NBEA: variants seen among roughly 807,000 people sequenced by gnomAD.
NBEA encodes the protein neurobeachin, also known as lysosomal-trafficking regulator 2.
In NBEA, 44 loss-of-function variants were observed where a neutral mutation model predicts 343.4. That is an observed-to-expected ratio of 0.13 (90% CI 0.10 to 0.16). The LOEUF (loss-of-function observed/expected upper bound fraction) is 0.16, where lower values mean the gene tolerates loss of function less well. NBEA is among the 10% of genes least tolerant of loss of function. NBEA has a pLI of 1.00. For synonymous variants in NBEA, 1,175 were observed against 1,238.7 expected (o/e 0.95, Z 1.08); for missense variants, 2,555 against 3,631.3 (o/e 0.70, Z 7.62).
At chr13:35,459,414 C>T (rs924708212) in intron 40 of NBEA, among the ~76,000 whole-genome samples, 1 of 151,892 alleles carries the variant, frequency 6.6e-6, no homozygotes, top group Non-Finnish European at 1.5e-5. Context: ...AATGCATTCA[C>T]TTGCTCATTT....
chr13:34,981,169 A>T (rs2060344512), intron 1 of NBEA, among the ~76,000 whole-genome samples: 1 of 152,134 alleles, frequency 6.6e-6, no homozygotes. Flanking sequence ...GAGTCACACA[A>T]TGTGTGGTCT....
At chr13:35,525,686 C>G (rs776413494) in intron 41 of NBEA, among the ~76,000 whole-genome samples, 7 of 152,238 alleles carry the variant, frequency 4.6e-5, no homozygotes, top group South Asian at 4.2e-4. Flanking sequence ...CTTTTGGGGT[C>G]ACTATAACAA....
intron 55 of NBEA, among the ~76,000 whole-genome samples, chr13:35,657,039 C>T (rs1041989938): frequency 5.3e-5 from 8 of 152,168 alleles, no homozygotes; most frequent in Non-Finnish European, 1.2e-4. Flanking sequence ...TCCATCCCCC[C>T]AACCCTTATG....
At chr13:35,598,469 G>A (rs1245912480) in intron 47 of NBEA, among the ~76,000 whole-genome samples, 1 of 152,184 alleles carries the variant, frequency 6.6e-6, no homozygotes, top group Non-Finnish European at 1.5e-5. Context: ...AATAAACATG[G>A]TTTGCAGCTG....
chr13:35,243,561 A>G (rs1021055915), intron 34 of NBEA, among the ~76,000 whole-genome samples: 1 of 151,902 alleles, frequency 6.6e-6, no homozygotes, highest in South Asian at 2.1e-4. Context: ...TTAAAGTGAA[A>G]GAGTAGAAAA....
chr13:35,207,101 T>C (rs2073445303), intron 31 of NBEA, among the ~76,000 whole-genome samples: 1 of 151,932 alleles, frequency 6.6e-6, no homozygotes, highest in Non-Finnish European at 1.5e-5. Context: ...TTATAATACC[T>C]TAATTATATT....
chr13:35,372,246 T>C (rs1224051354), intron 38 of NBEA, among the ~76,000 whole-genome samples: 1 of 152,172 alleles, frequency 6.6e-6, no homozygotes, highest in Non-Finnish European at 1.5e-5. Flanking sequence ...TTGTCTATGC[T>C]AGCATTGGCG....
chr13:35,468,024 G>C (rs1357606441), intron 40 of NBEA, among the ~76,000 whole-genome samples: 2 of 151,740 alleles, frequency 1.3e-5, no homozygotes, highest in Non-Finnish European at 2.9e-5. Context: ...TTGTAAAGAA[G>C]CTTAGCATTA....
At position 34,951,582 on chromosome 13, in the gene NBEA, T is replaced by A. The variant is rs552677397; in HGVS notation, c.294+8468T>A. On this transcript the variant is annotated intron_variant, in intron 1 of 58. Coordinates refer to ENST00000379939, the MANE Select transcript of NBEA (RefSeq NM_001385012.1). ...ACTCTTAGGTACACACAGATCATGA[T>A]CTCCTGCTGAAGCACAGGACATCTG... Among the ~76,000 whole-genome samples, 3 of 152,310 alleles carry A rather than the reference T, an allele frequency of 2.0e-5. No homozygotes were observed. The East Asian group carries it at 5.8e-4, about 29-fold the overall frequency.
chr13:35,151,162 TG>T (rs1218144357), intron 18 of NBEA, among the ~76,000 whole-genome samples: 1 of 151,914 alleles, frequency 6.6e-6, no homozygotes, highest in Admixed American at 6.6e-5. Flanking sequence ...ATAATTTTTT[TG>T]AAGTCTTATT....
intron 31 of NBEA, among the ~76,000 whole-genome samples, chr13:35,203,550 A>C (rs1399181217): frequency 5.3e-5 from 8 of 152,266 alleles, no homozygotes; most frequent in Middle Eastern, 3.4e-3. Context: ...TGTCAGTTCC[A>C]TGAGAGCAGG....
intron 38 of NBEA, among the ~76,000 whole-genome samples, chr13:35,381,862 A>G (rs17758589): frequency 0.035 from 5,323 of 152,256 alleles, 138 homozygotes; most frequent in Non-Finnish European, 0.054. Flanking sequence ...GTGACTGATT[A>G]TTATACCGGT....
intron 1 of NBEA, among the ~76,000 whole-genome samples, chr13:34,974,411 T>G (rs2152501472): frequency 6.6e-6 from 1 of 152,308 alleles, no homozygotes; most frequent in South Asian, 2.1e-4. Context: ...TGATATCAAT[T>G]TATCAGCTTA....
chr13:35,119,165 A>G (rs1430712032), intron 16 of NBEA, among the ~76,000 whole-genome samples: 1 of 152,222 alleles, frequency 6.6e-6, no homozygotes, highest in African/African-American at 2.4e-5. Flanking sequence ...CTTGGTAGAT[A>G]GGTGAAATAT....
At chr13:35,462,228 G>T (rs952077461) in intron 40 of NBEA, among the ~76,000 whole-genome samples, 2 of 152,110 alleles carry the variant, frequency 1.3e-5, no homozygotes, top group African/African-American at 4.8e-5. Context: ...TCAAAATTCT[G>T]CCCTCCAGGA....
chr13:35,552,325 A>G (rs1357573211), intron 43 of NBEA, among the ~76,000 whole-genome samples: 1 of 152,178 alleles, frequency 6.6e-6, no homozygotes, highest in Non-Finnish European at 1.5e-5. Context: ...CTTGTATTGC[A>G]ACTTATCTAT....
intron 34 of NBEA, among the ~76,000 whole-genome samples, chr13:35,235,485 T>G (rs9593016): frequency 0.16 from 23,660 of 152,188 alleles, 1,940 homozygotes; most frequent in South Asian, 0.2. Flanking sequence ...AAAGTTAGTC[T>G]TGTAATAATA....
At chr13:35,468,998 C>A (rs1440055042) in intron 40 of NBEA, among the ~76,000 whole-genome samples, 1 of 147,202 alleles carries the variant, frequency 6.8e-6, no homozygotes, top group Admixed American at 7.0e-5. Flanking sequence ...ACTCAGGAGG[C>A]TGAGGCAGGA....
chr13:34,948,409 A>T (rs191596402), intron 1 of NBEA, among the ~76,000 whole-genome samples: 1 of 152,314 alleles, frequency 6.6e-6, no homozygotes, highest in East Asian at 1.9e-4. Context: ...TAAGAGTTGT[A>T]GGTCCCTGTC....
Sources: gnomAD v4.1 joint callset for allele counts (sites outside exome capture counted in the v4.1 genomes callset) on GRCh38, gnomAD v4.1.1 for gene constraint, MANE v1.5 for transcripts, NCBI Gene and HGNC (gene_info 2026-07-23, HGNC 2026-07-21) for gene names.